PCNX2: variants seen among roughly 807,000 people sequenced by gnomAD.
PCNX2 encodes pecanex-like protein 2.
PCNX2 carries 168 observed loss-of-function variants against 223.8 expected under a neutral mutation model. The ratio of observed to expected loss-of-function variants is 0.75; its 90% CI spans 0.66 to 0.85. The LOEUF is 0.85. PCNX2 is among the 40% of genes least tolerant of loss of function. The pLI is 0.00. For missense variants in PCNX2, 2,507 were observed against 2,675.5 expected, an observed-to-expected ratio of 0.94 and a Z score of 1.39; for synonymous variants, 1,006 against 1,052.6, an observed-to-expected ratio of 0.96 and a Z score of 0.86.
the PCNX2 span, among the ~76,000 whole-genome samples, chr1:233,316,932 A>T: frequency 2.0e-5 from 3 of 152,242 alleles, no homozygotes; most frequent in Non-Finnish European, 4.4e-5. Flanking sequence ...CCATGGTAAC[A>T]GGCAACTTTG....
chr1:233,085,838 G>A (rs1251935232), intron 23 of PCNX2, among the ~76,000 whole-genome samples: 2 of 152,054 alleles, frequency 1.3e-5, no homozygotes, highest in South Asian at 2.1e-4. Context: ...CAGCAGTTCC[G>A]ATTCCCTATT....
chr1:233,047,220 G>T, intron 25 of PCNX2: 1 of 289,564 alleles, frequency 3.5e-6, no homozygotes, highest in South Asian at 1.3e-4. Context: ...ATACAGCATT[G>T]CTATCCTAAA....
intron 25 of PCNX2, among the ~76,000 whole-genome samples, chr1:233,041,238 C>G (rs531515566): frequency 6.6e-6 from 1 of 152,294 alleles, no homozygotes; most frequent in African/African-American, 2.4e-5. Context: ...TTACAGATCT[C>G]TCTTTAAAAT....
intron 1 of PCNX2, chr1:233,289,244 T>A: frequency 1.1e-6 from 1 of 945,604 alleles, no homozygotes; most frequent in Non-Finnish European, 1.8e-6. Flanking sequence ...AAGATTTCAG[T>A]TGAGGAACGG....
intron 5 of PCNX2, among the ~76,000 whole-genome samples, chr1:233,255,372 C>T (rs1659679473): frequency 6.6e-6 from 1 of 152,190 alleles, no homozygotes; most frequent in South Asian, 2.1e-4. Context: ...CATCCGAAGC[C>T]TTTCCTTTTT....
chr1:233,226,280 T>TG lies in PCNX2; in HGVS notation c.2504+945dup, dbSNP rs35232630. Among the ~76,000 whole-genome samples, 731 of 152,054 alleles carry TG rather than the reference T, an allele frequency of 4.8e-3. 6 individuals are homozygous for TG. The highest frequency in any genetic ancestry group is 0.017 in the African/African-American group (688 of 41,462). ...TCCATCATGTTTTCTTTTTTCTGGG[T>TG]GGGGGGGAGATTAAGTTTTGCTCTT... On this transcript the variant is annotated intron_variant, in intron 10 of 33. Coordinates refer to ENST00000258229, the MANE Select transcript of PCNX2 (RefSeq NM_014801.4).
intron 10 of PCNX2, among the ~76,000 whole-genome samples, chr1:233,226,768 G>C (rs907633519): frequency 6.6e-6 from 1 of 152,024 alleles, no homozygotes; most frequent in Non-Finnish European, 1.5e-5. Context: ...AAGGTGTCCG[G>C]GAAAGAGGCA....
At chr1:233,309,136 TA>T in the PCNX2 span, among the ~76,000 whole-genome samples, 1 of 152,152 alleles carries the variant, frequency 6.6e-6, no homozygotes, top group Non-Finnish European at 1.5e-5. Flanking sequence ...ATTAATGAAA[TA>T]AAATTATTAA....
chr1:233,118,754 G>A (rs971016374), intron 21 of PCNX2, among the ~76,000 whole-genome samples: 14 of 152,116 alleles, frequency 9.2e-5, no homozygotes, highest in African/African-American at 3.4e-4. Flanking sequence ...CAGATTGGAA[G>A]ACAACATAGA....
chr1:233,013,483 G>A (rs566553852), intron 28 of PCNX2, among the ~76,000 whole-genome samples: 100 of 152,224 alleles, frequency 6.6e-4, no homozygotes, highest in Non-Finnish European at 9.0e-4. Context: ...AGTCAACAAG[G>A]CTCCCTGGGC....
intron 13 of PCNX2, among the ~76,000 whole-genome samples, chr1:233,207,179 G>A (rs1049619464): frequency 1.3e-5 from 2 of 152,144 alleles, no homozygotes; most frequent in African/African-American, 4.8e-5. Context: ...AGAGGAACGG[G>A]AAGCCAGAGG....
chr1:233,133,806 G>A (rs1209077899), intron 21 of PCNX2, among the ~76,000 whole-genome samples: 1 of 152,172 alleles, frequency 6.6e-6, no homozygotes, highest in Non-Finnish European at 1.5e-5. Context: ...GCTGCAGTGA[G>A]CAATAATTAT....
chr1:233,018,676 G>T, intron 26 of PCNX2: 1 of 767,502 alleles, frequency 1.3e-6, no homozygotes, highest in Non-Finnish European at 1.6e-6. Context: ...CTGCCAGCGT[G>T]CACCGCAGTT....
chr1:233,267,011 T>TTC (rs1470987545), intron 1 of PCNX2, among the ~76,000 whole-genome samples: 5 of 151,996 alleles, frequency 3.3e-5, no homozygotes, highest in Non-Finnish European at 7.4e-5. Context: ...CTGTTTTTTT[T>TTC]TCTCTCTTTT....
At chr1:233,289,433 G>A (rs1661633286) in intron 1 of PCNX2, 2 of 1,404,330 alleles carry the variant, frequency 1.4e-6, no homozygotes, top group Admixed American at 1.7e-5. Context: ...CGATCTTGGC[G>A]CTCGTACTGA....
At chr1:233,257,978 T>A in intron 5 of PCNX2, 50 bp downstream of exon 5, 1 of 1,557,922 alleles carries the variant, frequency 6.4e-7, no homozygotes. Context: ...GGCAAAAAGG[T>A]GTATTGCCTT....
rs148927023 is a variant in PCNX2, at chr1:233,064,442, T to C, written c.4077-7152A>G. Among the ~76,000 whole-genome samples, 469 of 152,352 alleles carry C rather than the reference T, an allele frequency of 3.1e-3. 4 individuals are homozygous for C. Among genetic ancestry groups the C allele is most frequent in the African/African-American group, 0.011 (443 of 41,576 alleles). ...ACCAGTTGAGATTTCTTGTTCCTTC[T>C]CTGTGTTGGGTGTTTCACTTCTTCA... is the stretch of plus-strand genomic sequence containing the variant. On this transcript the variant is annotated intron_variant, in intron 23 of 33. Coordinates refer to ENST00000258229, the MANE Select transcript of PCNX2 (RefSeq NM_014801.4).
chr1:233,216,815 T>C (rs1306635861), intron 12 of PCNX2, among the ~76,000 whole-genome samples: 1 of 152,020 alleles, frequency 6.6e-6, no homozygotes, highest in Non-Finnish European at 1.5e-5. Context: ...TAAATGTCCA[T>C]CAACACATGA....
intron 1 of PCNX2, among the ~76,000 whole-genome samples, chr1:233,277,910 C>A (rs999176581): frequency 3.3e-5 from 5 of 152,102 alleles, no homozygotes; most frequent in Admixed American, 2.6e-4. Flanking sequence ...CACCAAGAAG[C>A]AATGAATGAC....
Sources: allele counts gnomAD v4.1 joint callset (sites outside exome capture counted in the v4.1 genomes callset), GRCh38; gene constraint gnomAD v4.1.1; transcripts MANE v1.5; gene names NCBI Gene and HGNC (gene_info 2026-07-23, HGNC 2026-07-21).